Variants in PHTF2 observed in about 807,000 individuals in gnomAD.
The protein encoded by PHTF2 is protein PHTF2.
In PHTF2, 60 loss-of-function variants were observed where a neutral mutation model predicts 101.2. The ratio of observed to expected loss-of-function variants is 0.59; its 90% CI spans 0.48 to 0.73. The LOEUF (loss-of-function observed/expected upper bound fraction) is 0.73, where lower values mean the gene tolerates loss of function less well. Ranked by LOEUF, PHTF2 falls within the 30% of genes least tolerant of loss-of-function variation. The probability of loss-of-function intolerance (pLI) is 0.00; values close to 1 mark genes in which losing one functional copy is unlikely to be tolerated. For missense variants in PHTF2, 747 were observed against 908.7 expected, an observed-to-expected ratio of 0.82 and a Z score of 2.29; for synonymous variants, 311 against 307.3, an observed-to-expected ratio of 1.01 and a Z score of -0.13.
intron 3 of PHTF2, among the ~76,000 whole-genome samples, chr7:77,864,138 G>A (rs7789761): frequency 0.021 from 3,143 of 152,222 alleles, 87 homozygotes; most frequent in African/African-American, 0.071. Context: ...ATGTAAACAA[G>A]TAACTATTAT....
chr7:77,938,077 TTC>T (rs1805307348), intron 13 of PHTF2: 2 of 185,716 alleles, frequency 1.1e-5, no homozygotes, highest in Non-Finnish European at 2.2e-5. Context: ...TCTATAATTT[TTC>T]TCTTTTATCT....
intron 16 of PHTF2, among the ~76,000 whole-genome samples, chr7:77,947,580 G>T (rs1052403904): frequency 6.6e-6 from 1 of 151,998 alleles, no homozygotes; most frequent in Non-Finnish European, 1.5e-5. Context: ...ATTAAAAAAA[G>T]AAGGTATACA....
intron 13 of PHTF2, among the ~76,000 whole-genome samples, chr7:77,939,062 C>G (rs966776862): frequency 6.6e-6 from 1 of 152,102 alleles, no homozygotes; most frequent in African/African-American, 2.4e-5. Flanking sequence ...GATCACTTAA[C>G]TTACAATGGT....
At chr7:77,925,223 C>A (rs935464812) in intron 11 of PHTF2, among the ~76,000 whole-genome samples, 1 of 152,022 alleles carries the variant, frequency 6.6e-6, no homozygotes, top group Non-Finnish European at 1.5e-5. Flanking sequence ...TTCCACCCCC[C>A]AAGAAAGCAT....
At chr7:77,893,737 T>G in intron 4 of PHTF2, 73 bp downstream of exon 3, 1 of 681,618 alleles carries the variant, frequency 1.5e-6, no homozygotes, top group Non-Finnish European at 2.5e-6. Context: ...TTCTGTAGTG[T>G]TTTTTAATAT....
chr7:77,857,496 A>ACAT (rs1267502357), intron 3 of PHTF2, among the ~76,000 whole-genome samples: 1 of 152,264 alleles, frequency 6.6e-6, no homozygotes, highest in African/African-American at 2.4e-5. Flanking sequence ...ACATGGAAGG[A>ACAT]GTATGTATAT....
At chr7:77,840,167 T>G in intron 1 of PHTF2, 54 bp from the exon 2 acceptor site, 1 of 928,238 alleles carries the variant, frequency 1.1e-6, no homozygotes, top group South Asian at 1.3e-5. Context: ...CTGTTCAGTC[T>G]CCTTTTGGAA....
chr7:77,922,579 G>T, intron 10 of PHTF2, 44 bp from the exon 10 acceptor site: 1 of 1,509,046 alleles, frequency 6.6e-7, no homozygotes, highest in South Asian at 1.3e-5. Context: ...CTAAAAGGTT[G>T]GTTAGAAATT....
At position 77,816,076 on chromosome 7, in the gene PHTF2, CT is replaced by C. The variant is rs1017432909; in HGVS notation, c.-36+17116del. On this transcript the variant is annotated intron_variant, in intron 1 of 19. Transcript: ENST00000416283. ...TTATTCTTTTTATATATTGGAATAA[CT>C]TTTTTTTTTTCTTTGAGACAAGAGT... Among the ~76,000 whole-genome samples the C allele has an allele frequency of 1.1e-3, 160 of 148,096 alleles. 1 individual carries two copies. Among genetic ancestry groups the C allele is most frequent in the African/African-American group, 3.5e-3 (140 of 40,562 alleles).
chr7:77,870,752 A>G (rs1257971526), intron 3 of PHTF2, among the ~76,000 whole-genome samples: 2 of 152,212 alleles, frequency 1.3e-5, no homozygotes, highest in Non-Finnish European at 2.9e-5. Context: ...ATCTCCTGAG[A>G]TCATATATAA....
intron 1 of PHTF2, among the ~76,000 whole-genome samples, chr7:77,817,978 C>G (rs907997508): frequency 5.9e-5 from 9 of 151,850 alleles, no homozygotes; most frequent in African/African-American, 1.9e-4. Flanking sequence ...GGCATGGTGG[C>G]GGGCGCCTGT....
Position 77,928,980 on chromosome 7 carries a change from G to C in PHTF2, c.1120-129G>C, listed in dbSNP as rs1267378567. On this transcript the variant is annotated intron_variant, in intron 11 of 19. Coordinates refer to ENST00000416283, the Ensembl canonical transcript of PHTF2. Reference sequence around the variant, plus strand: ...CTAATATATTTTGTAATGTTTTGCTGTCTCACTATCTTTTGAGGGTGTATT... The same window carrying C: ...CTAATATATTTTGTAATGTTTTGCTCTCTCACTATCTTTTGAGGGTGTATT... 4 of 617,726 alleles carry C rather than the reference G, an allele frequency of 6.5e-6. No homozygotes were observed. The Admixed American group carries it at 9.1e-5, about 14-fold the overall frequency. The allele number at this position is 617,726 out of a possible 1,614,324, so 38.3% of individuals were successfully genotyped here.
chr7:77,951,173 G>A (rs1015484257), intron 17 of PHTF2, among the ~76,000 whole-genome samples: 1 of 152,120 alleles, frequency 6.6e-6, no homozygotes, highest in Non-Finnish European at 1.5e-5. Context: ...AAGGCATTGT[G>A]ACTGCCTATA....
intron 1 of PHTF2, among the ~76,000 whole-genome samples, chr7:77,810,003 G>A (rs969965141): frequency 6.6e-6 from 1 of 152,136 alleles, no homozygotes; most frequent in Non-Finnish European, 1.5e-5. Context: ...GGAAATTAAC[G>A]TGATAAAGGA....
chr7:77,873,409 A>G (rs1798679369), intron 3 of PHTF2, among the ~76,000 whole-genome samples: 1 of 152,124 alleles, frequency 6.6e-6, no homozygotes, highest in African/African-American at 2.4e-5. Flanking sequence ...AAACTCAAGC[A>G]GTTCTTTTTG....
chr7:77,942,914 GT>G, intron 16 of PHTF2, 128 bp downstream of exon 15: 2 of 513,900 alleles, frequency 3.9e-6, no homozygotes, highest in South Asian at 3.5e-5. Flanking sequence ...CCTTTTTGCA[GT>G]TTTTTTGGTA....
At chr7:77,861,706 T>G (rs1797657889) in intron 3 of PHTF2, among the ~76,000 whole-genome samples, 1 of 152,176 alleles carries the variant, frequency 6.6e-6, no homozygotes, top group Non-Finnish European at 1.5e-5. Context: ...GCAGATCACT[T>G]GAGGCCGGAA....
chr7:77,867,312 G>A (rs1160660600), intron 3 of PHTF2, among the ~76,000 whole-genome samples: 1 of 152,178 alleles, frequency 6.6e-6, no homozygotes, highest in African/African-American at 2.4e-5. Context: ...GCAAGTGAAC[G>A]TAGGGTCGTT....
rs540898441 is a variant in PHTF2 at position 77,829,092 on chromosome 7, G to C, written c.-35-11129G>C. Among the ~76,000 whole-genome samples, 6 of 152,270 alleles carry C rather than the reference G, an allele frequency of 3.9e-5. No individual in the cohort carries two copies. The East Asian group carries it at 1.2e-3, about 29-fold the overall frequency. On this transcript the variant is annotated intron_variant, in intron 1 of 19. Coordinates refer to ENST00000416283, the Ensembl canonical transcript of PHTF2. ...AGCTACTCGAGAGGCTGAGGTGGAGGAACACTTGAGCCCAGGAGTTTGAGG... is the reference window on the plus strand; with the variant it reads ...AGCTACTCGAGAGGCTGAGGTGGAGCAACACTTGAGCCCAGGAGTTTGAGG...
Sources: allele counts gnomAD v4.1 joint callset (sites outside exome capture counted in the v4.1 genomes callset), GRCh38; gene constraint gnomAD v4.1.1; transcripts MANE v1.5; gene names NCBI Gene and HGNC (gene_info 2026-07-23, HGNC 2026-07-21).